Variants in HNRNPA1 observed in about 807,000 individuals in gnomAD.
HNRNPA1 encodes epididymis secretory sperm binding protein.
HNRNPA1 carries 7 observed loss-of-function variants against 44.4 expected under a neutral mutation model. The ratio of observed to expected loss-of-function variants is 0.16; its 90% CI spans 0.09 to 0.30. The LOEUF is 0.30. Among genes scored for constraint, HNRNPA1 ranks in the 10% least tolerant of loss-of-function variants. HNRNPA1 has a pLI of 1.00. For synonymous variants in HNRNPA1, 169 were observed against 160.6 expected (o/e 1.05, Z -0.40); for missense variants, 193 against 465.8 (o/e 0.41, Z 5.39).
At position 54,284,288 on chromosome 12, in the gene HNRNPA1, G is replaced by C; in HGVS notation, c.1094G>C (p.Ser365Thr). ...TATGGCGGTTCCAGCAGCAGCAGTA[G>C]CTATGGCAGTGGCAGAAGATTTTAA... ...GGYGGSSSSS[S>T]YGSGRRF The change falls in exon 10 of 11, where the codon AGC becomes ACC. Residue 365 changes from serine to threonine, a missense_variant. Ser to Thr is a moderately conservative substitution (Grantham distance 58). Around this residue, in one of 2 missense-constraint regions of HNRNPA1, gnomAD observed 136 missense variants for 234.4 expected, o/e 0.58. Transcript: ENST00000340913. 1 of 1,614,062 alleles carries C rather than the reference G, an allele frequency of 6.2e-7. No individual in the cohort carries two copies. The highest frequency in any genetic ancestry group is 8.5e-7 in the Non-Finnish European group (1 of 1,179,988).
Position 54,283,895 on chromosome 12 carries a change from G to C in HNRNPA1, c.991G>C (p.Gly331Arg). The change falls in exon 9 of 11, where the codon GGA (glycine) becomes CGA (arginine). Residue 331 changes from glycine (G) to arginine (R), a missense_variant. Gly to Arg is a moderately radical substitution (Grantham distance 125). Coordinates refer to ENST00000340913, the MANE Select transcript of HNRNPA1 (RefSeq NM_031157.4). ...QSSNFGPMKG[G>R]NFGGRSSGPY... ...TTCAAATTTTGGACCCATGAAGGGA[G>C]GAAATTTTGGAGGCAGAAGCTCTGG... 6.2e-7 allele frequency: 1 copy of C among 1,612,220 alleles called. No individual in the cohort carries two copies. Among genetic ancestry groups the C allele is most frequent in the Non-Finnish European group, 8.5e-7 (1 of 1,180,022 alleles).
At chr12:54,283,268 C>A (rs368072258) in intron 8 of HNRNPA1, 34 bp downstream of exon 8, 7 of 1,604,390 alleles carry the variant, frequency 4.4e-6, no homozygotes, top group Non-Finnish European at 6.0e-6. Flanking sequence ...CTTGGTGTGA[C>A]AGCTAGATTA....
At chr12:54,282,340 T>A (rs772068191) in intron 4 of HNRNPA1, 40 bp downstream of exon 4, 1 of 1,611,138 alleles carries the variant, frequency 6.2e-7, no homozygotes, top group Non-Finnish European at 8.5e-7. Context: ...GGTTCCACAA[T>A]CTGTATGGCA....
Position 54,284,684 on chromosome 12 carries a change from C to T in HNRNPA1, c.*140C>T, listed in dbSNP as rs1386269149. 2 of 508,184 alleles carry T rather than the reference C, an allele frequency of 3.9e-6. No individual in the cohort carries two copies. The highest frequency in any genetic ancestry group is 3.8e-5 in the African/African-American group (2 of 52,026). 31.5% of individuals were successfully genotyped at this position (508,184 alleles called of 1,614,324 possible). A position where few individuals can be genotyped will look rare whatever the true frequency, so the allele number is the denominator to read the frequency against. ...AAAGAAGACATGTTTTAGACAAATACTCATGTGTATGGGCAAAAAACTCGA... is the reference window on the plus strand; with the variant it reads ...AAAGAAGACATGTTTTAGACAAATATTCATGTGTATGGGCAAAAAACTCGA... On this transcript the variant is annotated 3_prime_UTR_variant, in exon 11 of 11. Coordinates refer to ENST00000340913, the MANE Select transcript of HNRNPA1 (RefSeq NM_031157.4).
chr12:54,280,728 AT>A lies in HNRNPA1; in HGVS notation c.-79del, dbSNP rs1160912627. 9.8e-6 allele frequency: 15 copies of A among 1,538,316 alleles called. No individual in the cohort carries two copies. The Admixed American group carries it at 1.7e-4, about 17-fold the overall frequency. On this transcript the variant is annotated 5_prime_UTR_variant, in exon 1 of 11. Coordinates refer to ENST00000340913, the MANE Select transcript of HNRNPA1 (RefSeq NM_031157.4). ...AGAGAGGGCGAAGGTAGGCTGGCAGATACGTTCGTCAGCTTGCTCCTTTCTG... is the reference window on the plus strand; with the variant it reads ...AGAGAGGGCGAAGGTAGGCTGGCAGAACGTTCGTCAGCTTGCTCCTTTCTG...
rs1944185779 is a variant in HNRNPA1 at position 54,282,310 on chromosome 12, A to G, written c.490+10A>G. On this transcript the variant is annotated intron_variant, in intron 4 of 10. Transcript: ENST00000340913. ...GTGGATAAGATTGTCAGTAAGTATCAGATAGTGGCATTTAGTAAGGGTTCC... is the reference window on the plus strand; with the variant it reads ...GTGGATAAGATTGTCAGTAAGTATCGGATAGTGGCATTTAGTAAGGGTTCC... The G allele has an allele frequency of 1.9e-6, 3 of 1,613,442 alleles. No individual in the cohort carries two copies. The highest frequency in any genetic ancestry group is 3.3e-5 in the Admixed American group (2 of 60,006).
intron 1 of HNRNPA1, 168 bp downstream of exon 1, chr12:54,280,990 C>A: frequency 1.3e-6 from 1 of 758,282 alleles, no homozygotes; most frequent in South Asian, 1.4e-5. Flanking sequence ...TCTTGATCGC[C>A]ATGAGGCCGC....
At chr12:54,281,157 C>G (rs190692098) in intron 1 of HNRNPA1, 116 of 698,416 alleles carry the variant, frequency 1.7e-4, no homozygotes, top group Middle Eastern at 1.4e-3. Flanking sequence ...CCGCCCAAGC[C>G]TTTGTTGCGC....
chr12:54,283,816 C>T lies in HNRNPA1; in HGVS notation c.912C>T (p.Ser304=), dbSNP rs761299562. The change falls in exon 9 of 11, where the codon AGC becomes AGT. Residue 304 remains serine, a synonymous_variant. Coordinates refer to ENST00000340913, the MANE Select transcript of HNRNPA1 (RefSeq NM_031157.4). ...GGGGFGGGSG[S]NFGGGGSYND... ...GGCCCTCTTTCCCATTCATAGGAAG[C>T]AATTTTGGAGGTGGTGGAAGCTACA... 6.2e-7 allele frequency: 1 copy of T among 1,613,852 alleles called. No individual in the cohort carries two copies. The highest frequency in any genetic ancestry group is 2.2e-5 in the East Asian group (1 of 44,884).
At position 54,283,097 on chromosome 12, in the gene HNRNPA1, G is replaced by T. The variant is rs1285850126; in HGVS notation, c.770G>T (p.Gly257Val). The T allele has an allele frequency of 6.2e-7, 1 of 1,613,182 alleles. No individual in the cohort carries two copies. Among genetic ancestry groups the T allele is most frequent in the East Asian group, 2.2e-5 (1 of 44,884 alleles). ...CTTGTAGGTGGTTATGGAGGAGGCGGCCCTGGTTACTCTGGAGGAAGCAGA... is the reference window on the plus strand; with the variant it reads ...CTTGTAGGTGGTTATGGAGGAGGCGTCCCTGGTTACTCTGGAGGAAGCAGA... ...FGNDGGYGGG[G>V]PGYSGGSRGY... Residue 257 changes from glycine to valine, a missense_variant, in exon 8 of 11, where the codon GGC becomes GTC. Physicochemically the swap from Gly to Val is moderately radical, Grantham distance 109 (BLOSUM62 -3). Transcript: ENST00000340913.
chr12:54,281,118 A>G (rs1212519880), intron 1 of HNRNPA1: 21 of 699,914 alleles, frequency 3.0e-5, no homozygotes, highest in South Asian at 2.5e-4. Flanking sequence ...CTAAAGAGCG[A>G]TTAGTCCCAT....
Position 54,285,782 on chromosome 12 carries a change from T to A in HNRNPA1, c.*1238T>A, listed in dbSNP as rs1944255341. ...TTTGGTGCTCTCTCAATTTCAGTGC[T>A]ATTGTACCTAGTAGCATAGAGATTT... is the stretch of plus-strand genomic sequence containing the variant. On this transcript the variant is annotated 3_prime_UTR_variant, in exon 11 of 11. Transcript: ENST00000340913. The A allele has an allele frequency of 6.6e-6, 1 of 151,890 alleles. No individual in the cohort carries two copies. The highest frequency in any genetic ancestry group is 2.4e-5 in the African/African-American group (1 of 41,338). 9.4% of individuals were successfully genotyped at this position (151,890 alleles called of 1,614,324 possible). A position where few individuals can be genotyped will look rare whatever the true frequency, so the allele number is the denominator to read the frequency against.
At position 54,281,239 on chromosome 12, in the gene HNRNPA1, C is replaced by G. The variant is rs1944162083; in HGVS notation, c.16-147C>G. On this transcript the variant is annotated intron_variant, in intron 1 of 10. Coordinates refer to ENST00000340913, the MANE Select transcript of HNRNPA1 (RefSeq NM_031157.4). ...CACTCCCAACTCCAGCATACGGCCT[C>G]CCTTGATAGGCAGAAGCACGTGTCT... The G allele has an allele frequency of 6.9e-6, 5 of 720,410 alleles. No individual in the cohort carries two copies. The South Asian group carries it at 7.7e-5, about 11-fold the overall frequency. 44.6% of individuals were successfully genotyped at this position (720,410 alleles called of 1,614,324 possible). A position where few individuals can be genotyped will look rare whatever the true frequency, so the allele number is the denominator to read the frequency against.
chr12:54,281,081 T>TAGA, intron 1 of HNRNPA1: 1 of 702,748 alleles, frequency 1.4e-6, no homozygotes, highest in Admixed American at 2.0e-5. Flanking sequence ...TGTCTTTTTT[T>TAGA]AAACCTTGCC....
intron 9 of HNRNPA1, 140 bp from the exon 10 acceptor site, chr12:54,284,118 C>G: frequency 4.7e-6 from 6 of 1,265,394 alleles, no homozygotes; most frequent in African/African-American, 1.5e-5. Flanking sequence ...TTAGAAAAAT[C>G]ATGGGACCTC....
At chr12:54,280,949 C>T (rs998472863) in intron 1 of HNRNPA1, 127 bp downstream of exon 1, 33 of 1,040,406 alleles carry the variant, frequency 3.2e-5, no homozygotes, top group Non-Finnish European at 4.8e-5. Flanking sequence ...CACGGCCTAC[C>T]CCTCCCAAAG....
Position 54,282,377 on chromosome 12 carries a change from C to A in HNRNPA1, c.491-17C>A, listed in dbSNP as rs1322231476. 3 of 1,608,548 alleles carry A rather than the reference C, an allele frequency of 1.9e-6. No homozygotes were observed. In the African/African-American group the frequency reaches 4.0e-5, roughly 22 times the overall value. On this transcript the variant is annotated splice_polypyrimidine_tract_variant and intron_variant, in intron 4 of 10. Transcript: ENST00000340913. ...TCTAAACCCTGATACCATGTTGTAT[C>A]TATGTTTTTTTTTTAGTTCAGAAAT...
At position 54,285,644 on chromosome 12, in the gene HNRNPA1, A is replaced by AG; in HGVS notation, c.*1104dup. On this transcript the variant is annotated 3_prime_UTR_variant, in exon 11 of 11. Transcript: ENST00000340913. ...AACTGCAGTTTCCCTTTATGGCACA[A>AG]GGGGTCACACAACCTACCTAAAATG... 1 of 152,316 alleles carries AG rather than the reference A, an allele frequency of 6.6e-6. No individual in the cohort carries two copies. The allele number at this position is 152,316 out of a possible 1,614,324, so 9.4% of individuals were successfully genotyped here.
chr12:54,281,147 C>T (rs1275299950), intron 1 of HNRNPA1: 3 of 699,272 alleles, frequency 4.3e-6, no homozygotes, highest in Non-Finnish European at 5.2e-6. Flanking sequence ...TGCACCCCTA[C>T]CGCCCAAGCC....
Sources: allele counts gnomAD v4.1 joint callset, GRCh38; gene constraint gnomAD v4.1.1; regional missense constraint gnomAD v4.1.1; transcripts MANE v1.5; gene names NCBI Gene and HGNC (gene_info 2026-07-23, HGNC 2026-07-21).